The following GIT1 variants were observed in gnomAD, a reference collection of about 807,000 sequenced individuals.
GIT1 encodes the protein GIT ArfGAP 1, also known as ARF GTPase-activating protein GIT1.
GIT1 carries 14 observed loss-of-function variants against 91.7 expected under a neutral mutation model. That is an observed-to-expected ratio of 0.15 (90% CI 0.10 to 0.24). The LOEUF is 0.24. GIT1 is among the 10% of genes least tolerant of loss of function. The pLI is 1.00. For missense variants in GIT1, 717 were observed against 1,024.9 expected (o/e 0.70, Z 4.10); for synonymous variants, 414 against 418.2 (o/e 0.99, Z 0.12).
Position 29,574,687 on chromosome 17 carries a change from G to C in GIT1, c.*15C>G, listed in dbSNP as rs764101068. On this transcript the variant is annotated 3_prime_UTR_variant, in exon 20 of 20. Coordinates refer to ENST00000225394, the MANE Select transcript of GIT1 (RefSeq NM_014030.4). ...GTGAGGTCCTAGGGTGCAGGTGAGG[G>C]TGTGGGGAGAGAGGTCACTGCTTCT... 1 of 1,596,246 alleles carries C rather than the reference G, an allele frequency of 6.3e-7. No individual in the cohort carries two copies. Among genetic ancestry groups the C allele is most frequent in the Non-Finnish European group, 8.6e-7 (1 of 1,164,686 alleles).
rs759929431 is a variant in GIT1, at chr17:29,581,887, C to G, written c.623+40G>C. 1.1e-5 allele frequency: 17 copies of G among 1,604,532 alleles called. No homozygotes were observed. The highest frequency in any genetic ancestry group is 1.4e-5 in the Non-Finnish European group (16 of 1,172,858). On this transcript the variant is annotated intron_variant, in intron 5 of 19. Transcript: ENST00000225394. The surrounding 1 kb of genome is among the most constrained non-coding windows in gnomAD (Gnocchi z 4.8). ...CCTGCAGCAGCAGCCCTCACCCACACCCCCACCCACCCACACTGCACCCTT... is the reference window on the plus strand; with the variant it reads ...CCTGCAGCAGCAGCCCTCACCCACAGCCCCACCCACCCACACTGCACCCTT...
In GIT1 at chr17:29,582,103, A is replaced by G. The variant is rs1276842838; in HGVS notation, c.447T>C (p.Cys149=). The change falls in exon 5 of 20, where the codon TGT becomes TGC. Residue 149 remains cysteine (C), a synonymous_variant. Transcript: ENST00000225394. The part of the protein sequence containing the change: ...SSVRTGNLET[C]LRLLSLGAQA... ...GGGCACCCAGGGAGAGCAGGCGCAGACATGTCTCCAGGTTGCCTGTCCGCA... is the reference window on the plus strand; with the variant it reads ...GGGCACCCAGGGAGAGCAGGCGCAGGCATGTCTCCAGGTTGCCTGTCCGCA... 6.2e-7 allele frequency: 1 copy of G among 1,600,180 alleles called. No homozygotes were observed. Among genetic ancestry groups the G allele is most frequent in the East Asian group, 2.2e-5 (1 of 44,640 alleles).
intron 1 of GIT1, among the ~76,000 whole-genome samples, chr17:29,584,381 C>G (rs948760412): frequency 6.6e-6 from 1 of 152,236 alleles, no homozygotes; most frequent in Non-Finnish European, 1.5e-5. Context: ...CATGTCCACA[C>G]TTGCTGCTGT....
Position 29,581,627 on chromosome 17 carries a change from C to G in GIT1, c.718+115G>C. 2 of 802,874 alleles carry G rather than the reference C, an allele frequency of 2.5e-6. No individual in the cohort carries two copies. The highest frequency in any genetic ancestry group is 4.1e-6 in the Non-Finnish European group (2 of 482,368). 49.7% of individuals were successfully genotyped at this position (802,874 alleles called of 1,614,324 possible). A position where few individuals can be genotyped will look rare whatever the true frequency, so the allele number is the denominator to read the frequency against. On this transcript the variant is annotated intron_variant, in intron 6 of 19. Transcript: ENST00000225394. The surrounding 1 kb of genome is among the most constrained non-coding windows in gnomAD (Gnocchi z 4.8). The stretch of plus-strand genomic sequence containing the variant: ...TTCACAGGAGCCAGTTGCCTAGCAA[C>G]ATTGCTCCCCAGCCGCTCTGTCACC...
rs1349351628 is a variant in GIT1 at position 29,583,648 on chromosome 17, C to A, written c.53-32G>T. 5 of 1,549,072 alleles carry A rather than the reference C, an allele frequency of 3.2e-6. No homozygotes were observed. In the East Asian group the frequency reaches 9.6e-5, roughly 30 times the overall value. ...GGGTGAGGGCAAGGGTCAGCCGGAG[C>A]CAGATGATGGGCCAGACCTCCTGAG... On this transcript the variant is annotated intron_variant, in intron 1 of 19. Transcript: ENST00000225394.
rs769942743 is a variant in GIT1 at position 29,576,330 on chromosome 17, G to A, written c.1501C>T (p.Arg501Cys). 5.6e-6 allele frequency: 9 copies of A among 1,613,108 alleles called. No individual in the cohort carries two copies. Among genetic ancestry groups the A allele is most frequent in the South Asian group, 1.1e-5 (1 of 91,086 alleles). Residue 501 changes from arginine to cysteine, a missense_variant, in exon 14 of 20, where the codon CGC becomes TGC. Physicochemically the swap from Arg to Cys is radical, Grantham distance 180 (BLOSUM62 -3). Around this residue, in one of 3 missense-constraint regions of GIT1, gnomAD observed 312 missense variants for 349.5 expected, o/e 0.89. Coordinates refer to ENST00000225394, the MANE Select transcript of GIT1 (RefSeq NM_014030.4). The part of the protein sequence containing the change: ...TPMAPGGSTH[R>C]RDRQAFSMYE... ...ATGGAAAAGGCCTGGCGATCCCTGC[G>A]GTGTGTGCTCCCGCCTGGCGCCATG... is the stretch of plus-strand genomic sequence containing the variant.
chr17:29,576,023 C>T (rs1246344009), intron 15 of GIT1, 55 bp downstream of exon 15: 3 of 1,579,034 alleles, frequency 1.9e-6, no homozygotes, highest in Non-Finnish European at 1.7e-6. Flanking sequence ...GAGCCCAGAA[C>T]CCCCTGGGGC....
At chr17:29,576,498 C>T in intron 13 of GIT1, 24 bp downstream of exon 13, 1 of 1,613,520 alleles carries the variant, frequency 6.2e-7, no homozygotes, top group African/African-American at 1.3e-5. Context: ...GGGGCTCCCC[C>T]TCCCACCGAG....
chr17:29,575,928 C>A lies in GIT1; in HGVS notation c.1666-30G>T. ...AACCCAGGGCAGCGCTGGATGGAGT[C>A]AGTGTGCCCCACTGCCCCCCTGCTC... On this transcript the variant is annotated intron_variant, in intron 15 of 19. Coordinates refer to ENST00000225394, the MANE Select transcript of GIT1 (RefSeq NM_014030.4). The surrounding 1 kb of genome is among the most constrained non-coding windows in gnomAD (Gnocchi z 5.5). The A allele has an allele frequency of 6.4e-7, 1 of 1,574,428 alleles. No homozygotes were observed. The highest frequency in any genetic ancestry group is 1.1e-5 in the South Asian group (1 of 88,872).
Position 29,575,926 on chromosome 17 carries a change from G to T in GIT1, c.1666-28C>A. 1 of 1,581,728 alleles carries T rather than the reference G, an allele frequency of 6.3e-7. No individual in the cohort carries two copies. Among genetic ancestry groups the T allele is most frequent in the Non-Finnish European group, 8.6e-7 (1 of 1,156,586 alleles). On this transcript the variant is annotated intron_variant, in intron 15 of 19. Coordinates refer to ENST00000225394, the MANE Select transcript of GIT1 (RefSeq NM_014030.4). This position sits in a 1 kb window ranked among gnomAD's most constrained non-coding sequence, Gnocchi z 5.5. ...GAAACCCAGGGCAGCGCTGGATGGA[G>T]TCAGTGTGCCCCACTGCCCCCCTGC... is the stretch of plus-strand genomic sequence containing the variant.
chr17:29,575,924 G>A lies in GIT1; in HGVS notation c.1666-26C>T, dbSNP rs780548429. The A allele has an allele frequency of 2.0e-5, 32 of 1,582,546 alleles. No homozygotes were observed. The Admixed American group carries it at 5.6e-4, about 28-fold the overall frequency. ...CTGAAACCCAGGGCAGCGCTGGATG[G>A]AGTCAGTGTGCCCCACTGCCCCCCT... On this transcript the variant is annotated intron_variant, in intron 15 of 19. Transcript: ENST00000225394. The surrounding 1 kb of genome is among the most constrained non-coding windows in gnomAD (Gnocchi z 5.5).
intron 1 of GIT1, among the ~76,000 whole-genome samples, chr17:29,585,327 G>A (rs2033558167): frequency 3.3e-5 from 5 of 152,124 alleles, no homozygotes; most frequent in Admixed American, 3.3e-4. Flanking sequence ...CTCTTGGTGG[G>A]GTTTCCTGTA....
In GIT1 at chr17:29,575,504, T is replaced by C. The variant is rs2033160203; in HGVS notation, c.1827-34A>G. ...CAGGTCCAGAAAACAGAGACAAAGA[T>C]ACATATAGAGAAAGACACGTTCCAG... On this transcript the variant is annotated intron_variant, in intron 17 of 19. Coordinates refer to ENST00000225394, the MANE Select transcript of GIT1 (RefSeq NM_014030.4). The surrounding 1 kb of genome is among the most constrained non-coding windows in gnomAD (Gnocchi z 5.5). 1.3e-6 allele frequency: 2 copies of C among 1,586,802 alleles called. No homozygotes were observed. The highest frequency in any genetic ancestry group is 1.7e-6 in the Non-Finnish European group (2 of 1,163,856).
At chr17:29,586,641 G>A (rs1002280529) in intron 1 of GIT1, among the ~76,000 whole-genome samples, 1 of 152,108 alleles carries the variant, frequency 6.6e-6, no homozygotes, top group Non-Finnish European at 1.5e-5. Context: ...ACATGTCCCC[G>A]GCCTTGCTCA....
rs761163250 is a variant in GIT1, at chr17:29,583,632, C to T, written c.53-16G>A. On this transcript the variant is annotated splice_polypyrimidine_tract_variant and intron_variant, in intron 1 of 19. Transcript: ENST00000225394. ...CAGCCAGGGTCTGCCAGGGTGAGGGCAAGGGTCAGCCGGAGCCAGATGATG... is the reference window on the plus strand; with the variant it reads ...CAGCCAGGGTCTGCCAGGGTGAGGGTAAGGGTCAGCCGGAGCCAGATGATG... The T allele has an allele frequency of 1.1e-5, 17 of 1,567,528 alleles. No homozygotes were observed. In the South Asian group the frequency reaches 2.0e-4, roughly 18 times the overall value.
chr17:29,581,161 C>A lies in GIT1; in HGVS notation c.761+177G>T. The A allele has an allele frequency of 1.6e-6, 1 of 625,710 alleles. No individual in the cohort carries two copies. The highest frequency in any genetic ancestry group is 2.7e-5 in the East Asian group (1 of 36,486). The allele number at this position is 625,710 out of a possible 1,614,324, so 38.8% of individuals were successfully genotyped here. A position where few individuals can be genotyped will look rare whatever the true frequency, so the allele number is the denominator to read the frequency against. On this transcript the variant is annotated intron_variant, in intron 7 of 19. Coordinates refer to ENST00000225394, the MANE Select transcript of GIT1 (RefSeq NM_014030.4). The surrounding 1 kb of genome is among the most constrained non-coding windows in gnomAD (Gnocchi z 4.8). ...CTATGCGGGCCACATATGGAGCTGA[C>A]ATTTTTTACCTGCCTTGGGGCCCAG... is the stretch of plus-strand genomic sequence containing the variant.
intron 1 of GIT1, among the ~76,000 whole-genome samples, chr17:29,585,195 T>C (rs1204478189): frequency 2.6e-5 from 4 of 152,120 alleles, no homozygotes; most frequent in African/African-American, 7.2e-5. Flanking sequence ...ACCCAAATAG[T>C]GAGGCACCCC....
At chr17:29,577,784 G>T in intron 9 of GIT1, 42 bp from the exon 10 acceptor site, 2 of 1,258,006 alleles carry the variant, frequency 1.6e-6, no homozygotes, top group Non-Finnish European at 2.3e-6. Flanking sequence ...CGGTGGCCAG[G>T]CCCCCAAGGT....
chr17:29,589,424 CGCGGGCG>C lies in GIT1; in HGVS notation c.-53_-47del. The C allele has an allele frequency of 1.1e-6, 1 of 872,268 alleles. No individual in the cohort carries two copies. Among genetic ancestry groups the C allele is most frequent in the Non-Finnish European group, 1.4e-6 (1 of 728,552 alleles). 54.0% of individuals were successfully genotyped at this position (872,268 alleles called of 1,614,324 possible). On this transcript the variant is annotated 5_prime_UTR_variant, in exon 1 of 20. Transcript: ENST00000225394. This position sits in a 1 kb window ranked among gnomAD's most constrained non-coding sequence, Gnocchi z 5.2. ...CAGCCCTCTGGGCCAGCGTGGGGGG[CGCGGGCG>C]GCGGGCCCGGGCGGCGGCGGCGGCC... is the stretch of plus-strand genomic sequence containing the variant.
Sources: allele counts gnomAD v4.1 joint callset (sites outside exome capture counted in the v4.1 genomes callset), GRCh38; gene constraint gnomAD v4.1.1; regional missense constraint gnomAD v4.1.1; non-coding constraint Gnocchi (gnomAD v3.1); transcripts MANE v1.5; gene names NCBI Gene and HGNC (gene_info 2026-07-23, HGNC 2026-07-21).